The following LEPR variants were observed in gnomAD, a reference collection of about 807,000 sequenced individuals.
LEPR encodes the protein leptin receptor, also known as OB receptor.
In LEPR, 56 loss-of-function variants were observed where a neutral mutation model predicts 114.7. The ratio of observed to expected loss-of-function variants is 0.49; its 90% CI spans 0.39 to 0.61. LEPR has a LOEUF of 0.61. LEPR is among the 20% of genes least tolerant of loss of function. LEPR has a pLI of 0.00. For missense variants in LEPR, 1,202 were observed against 1,352.9 expected (o/e 0.89, Z 1.75); for synonymous variants, 443 against 461.4 (o/e 0.96, Z 0.51).
intron 19 of LEPR, chr1:65,635,066 TAA>T (rs1047467314): frequency 3.4e-5 from 30 of 880,576 alleles, no homozygotes; most frequent in Admixed American, 6.2e-5. Context: ...ATATTTTACT[TAA>T]GAGTATAAAA....
intron 2 of LEPR, among the ~76,000 whole-genome samples, chr1:65,537,334 G>C (rs1650848326): frequency 1.3e-5 from 2 of 152,124 alleles, no homozygotes; most frequent in Admixed American, 1.3e-4. Context: ...GTATAAACCA[G>C]TAGCCCTCTG....
At position 65,448,875 on chromosome 1, in the gene LEPR, C is replaced by T. The variant is rs546842884; in HGVS notation, c.-21+23497C>T. Among the ~76,000 whole-genome samples the T allele has an allele frequency of 2.0e-5, 3 of 152,070 alleles. No homozygotes were observed. The South Asian group carries it at 6.2e-4, about 31-fold the overall frequency. ...TCCGTGGGATCTGTAATGATGTTCC[C>T]TCTATCCTTTCTTGCTTTGTTGTTG... On this transcript the variant is annotated intron_variant, in intron 2 of 19. Transcript: ENST00000349533.
intron 2 of LEPR, among the ~76,000 whole-genome samples, chr1:65,519,153 T>TTCCTTTCC (rs1553160718): frequency 3.6e-5 from 4 of 112,202 alleles, no homozygotes; most frequent in Admixed American, 8.7e-5. Flanking sequence ...CCTTCCTTCC[T>TTCCTTTCC]TTCCTTCCTT....
chr1:65,538,170 T>TG (rs1185793681), intron 2 of LEPR, among the ~76,000 whole-genome samples: 14 of 150,442 alleles, frequency 9.3e-5, no homozygotes, highest in Non-Finnish European at 1.5e-4. Flanking sequence ...ATTTTCTTCC[T>TG]TTTTTTTTTG....
chr1:65,574,098 A>T (rs965840322), intron 5 of LEPR, among the ~76,000 whole-genome samples: 2 of 152,180 alleles, frequency 1.3e-5, no homozygotes, highest in African/African-American at 4.8e-5. Context: ...GGAGCCCATC[A>T]TTGTTGTGAG....
At chr1:65,617,807 C>T (rs1433767838) in intron 15 of LEPR, among the ~76,000 whole-genome samples, 157 bp from the exon 16 acceptor site, 3 of 152,168 alleles carry the variant, frequency 2.0e-5, no homozygotes, top group African/African-American at 4.8e-5. Flanking sequence ...AAATGACTCT[C>T]ATGATGCAAA....
In LEPR at chr1:65,431,654, C is replaced by G. The variant is rs994881537; in HGVS notation, c.-21+6276C>G. ...AGAAGTAATTAGACTCATTACTGAACAGTTCATTGTCTCCTGTTACATTAT... is the reference window on the plus strand; with the variant it reads ...AGAAGTAATTAGACTCATTACTGAAGAGTTCATTGTCTCCTGTTACATTAT... On this transcript the variant is annotated intron_variant, in intron 2 of 19. Coordinates refer to ENST00000349533, the MANE Select transcript of LEPR (RefSeq NM_002303.6). 23 of 698,638 alleles carry G rather than the reference C, an allele frequency of 3.3e-5. No homozygotes were observed. In the African/African-American group the frequency reaches 4.0e-4, roughly 12 times the overall value. 43.3% of individuals were successfully genotyped at this position (698,638 alleles called of 1,614,324 possible). A position where few individuals can be genotyped will look rare whatever the true frequency, so the allele number is the denominator to read the frequency against.
intron 2 of LEPR, among the ~76,000 whole-genome samples, chr1:65,511,756 C>G (rs1402015526): frequency 6.6e-6 from 1 of 152,082 alleles, no homozygotes; most frequent in African/African-American, 2.4e-5. Flanking sequence ...CAGGAAAATG[C>G]CACAATCTGT....
At position 65,565,595 on chromosome 1, in the gene LEPR, G is replaced by T; in HGVS notation, c.30G>T (p.Leu10Phe). MICQKFCVV[L>F]LHWEFIYVIT... is the part of the protein sequence containing the mutation. ...TTTGTCAAAAATTCTGTGTGGTTTT[G>T]TTACATTGGGGTAAGTTATTTGCTC... Residue 10 changes from leucine (L) to phenylalanine (F), a missense_variant, in exon 3 of 20, where the codon TTG becomes TTT. Physicochemically the swap from Leu to Phe is conservative, Grantham distance 22. Coordinates refer to ENST00000349533, the MANE Select transcript of LEPR (RefSeq NM_002303.6). 1.2e-6 allele frequency: 2 copies of T among 1,613,840 alleles called. No individual in the cohort carries two copies. The highest frequency in any genetic ancestry group is 1.1e-5 in the South Asian group (1 of 91,072).
At chr1:65,559,732 G>T in intron 2 of LEPR, among the ~76,000 whole-genome samples, 1 of 136,002 alleles carries the variant, frequency 7.4e-6, no homozygotes, top group South Asian at 2.6e-4. Flanking sequence ...TTTGTGTAAG[G>T]TGTAAGGAAG....
intron 2 of LEPR, among the ~76,000 whole-genome samples, chr1:65,473,778 A>T (rs1048691152): frequency 1.3e-5 from 2 of 152,188 alleles, no homozygotes; most frequent in African/African-American, 4.8e-5. Context: ...AATAAATGGT[A>T]TTATTATTTC....
At position 65,573,017 on chromosome 1, in the gene LEPR, G is replaced by A. The variant is rs558643819; in HGVS notation, c.494+568G>A. On this transcript the variant is annotated intron_variant, in intron 5 of 19. Coordinates refer to ENST00000349533, the MANE Select transcript of LEPR (RefSeq NM_002303.6). ...GCTGTGCCATGTTGTGCCATGCTGA[G>A]CCATGCCCTGGCTCCCCTCGTCAGA... 2.6e-5 allele frequency among the ~76,000 whole-genome samples: 4 copies of A among 152,264 alleles called. No homozygotes were observed. The South Asian group carries it at 8.3e-4, about 32-fold the overall frequency.
intron 2 of LEPR, chr1:65,432,169 T>C (rs894312384): frequency 8.8e-7 from 1 of 1,139,992 alleles, no homozygotes; most frequent in Non-Finnish European, 1.1e-6. Flanking sequence ...CACGGTGCTC[T>C]CAGAAAATAT....
At chr1:65,557,356 T>C (rs1273005140) in intron 2 of LEPR, among the ~76,000 whole-genome samples, 4 of 152,174 alleles carry the variant, frequency 2.6e-5, no homozygotes, top group Admixed American at 2.6e-4. Context: ...CTTATTTTGG[T>C]CATCCTATCT....
Position 65,605,189 on chromosome 1 carries a change from C to G in LEPR, c.1555C>G (p.Leu519Val), listed in dbSNP as rs1453497515. The part of the protein sequence containing the change: ...YTMWIRINHS[L>V]GSLDSPPTCV... ...AATGTGGATTAGGATCAATCACTCT[C>G]TAGGTTCACTTGACTCTCCACCAAC... The change falls in exon 11 of 20, where the codon CTA becomes GTA. Residue 519 changes from leucine to valine, a missense_variant. Leu to Val is a conservative substitution (Grantham distance 32, BLOSUM62 1). Transcript: ENST00000349533. The G allele has an allele frequency of 1.2e-6, 2 of 1,614,106 alleles. No homozygotes were observed. The highest frequency in any genetic ancestry group is 1.3e-5 in the African/African-American group (1 of 75,040).
intron 1 of LEPR, among the ~76,000 whole-genome samples, chr1:65,425,093 TA>T (rs1165649819): frequency 6.6e-6 from 1 of 152,228 alleles, no homozygotes; most frequent in Non-Finnish European, 1.5e-5. Context: ...TCACATACCA[TA>T]AAATTAACAT....
At chr1:65,630,185 A>G in intron 19 of LEPR, 1 of 266,204 alleles carries the variant, frequency 3.8e-6, no homozygotes, top group Non-Finnish European at 7.4e-6. Flanking sequence ...TTTACTTATA[A>G]TTTCCTTTTT....
chr1:65,621,389 A>C lies in LEPR; in HGVS notation c.2528A>C (p.Tyr843Ser), dbSNP rs766588452. 2 of 1,613,450 alleles carry C rather than the reference A, an allele frequency of 1.2e-6. No homozygotes were observed. Among genetic ancestry groups the C allele is most frequent in the Admixed American group, 3.3e-5 (2 of 59,980 alleles). The change falls in exon 18 of 20, where the codon TAT (tyrosine) becomes TCT (serine). Residue 843 changes from tyrosine (Y) to serine (S), a missense_variant. Tyr to Ser is a moderately radical substitution (Grantham distance 144). Transcript: ENST00000349533. ...AAACACCAGAGTGATGCAGGTTTAT[A>C]TGTAATTGTGCCAGTAATTATTTCC... Reference protein sequence around the residue: ...IEKHQSDAGLYVIVPVIISSS... With the variant: ...IEKHQSDAGLSVIVPVIISSS...
intron 2 of LEPR, chr1:65,525,865 C>T (rs925246137): frequency 1.0e-6 from 1 of 978,452 alleles, no homozygotes; most frequent in Non-Finnish European, 1.2e-6. Context: ...CACCTCTTCC[C>T]GCTCTGGGTA....
Sources: gnomAD v4.1 joint callset for allele counts (sites outside exome capture counted in the v4.1 genomes callset) on GRCh38, gnomAD v4.1.1 for gene constraint, MANE v1.5 for transcripts, NCBI Gene and HGNC (gene_info 2026-07-23, HGNC 2026-07-21) for gene names.